Variants in CDYL2 observed in about 807,000 individuals in gnomAD.
CDYL2 encodes the protein chromodomain Y-like protein 2.
A neutral mutation model predicts 49.4 loss-of-function variants in CDYL2; 23 were observed. That is an observed-to-expected ratio of 0.47 (90% CI 0.34 to 0.66). The LOEUF (loss-of-function observed/expected upper bound fraction) is 0.66. Among genes scored for constraint, CDYL2 ranks in the 30% least tolerant of loss-of-function variants. The pLI is 0.01. For missense variants in CDYL2, 678 were observed against 656.4 expected, an observed-to-expected ratio of 1.03 and a Z score of -0.36; for synonymous variants, 360 against 268.8, an observed-to-expected ratio of 1.34 and a Z score of -3.32.
At chr16:80,749,836 CA>C (rs1456566374) in intron 1 of CDYL2, among the ~76,000 whole-genome samples, 2 of 152,086 alleles carry the variant, frequency 1.3e-5, no homozygotes, top group Non-Finnish European at 2.9e-5. Context: ...GGAACCAACC[CA>C]AATGTCCATC....
At chr16:80,719,531 T>A (rs1358411955) in intron 1 of CDYL2, among the ~76,000 whole-genome samples, 1 of 152,160 alleles carries the variant, frequency 6.6e-6, no homozygotes, top group Non-Finnish European at 1.5e-5. Flanking sequence ...TGCACTAAAT[T>A]TTGAGAATCA....
At chr16:80,670,042 C>T (rs552461191) in intron 2 of CDYL2, among the ~76,000 whole-genome samples, 4 of 152,246 alleles carry the variant, frequency 2.6e-5, no homozygotes, top group African/African-American at 9.6e-5. Flanking sequence ...GCACAACAAC[C>T]TCATCAAGTA....
At chr16:80,665,088 T>C (rs981299396) in intron 2 of CDYL2, among the ~76,000 whole-genome samples, 13 of 152,320 alleles carry the variant, frequency 8.5e-5, no homozygotes, top group African/African-American at 3.1e-4. Context: ...AGTCATTTAA[T>C]AAATATTTCA....
At chr16:80,645,389 C>T (rs113782700) in intron 2 of CDYL2, among the ~76,000 whole-genome samples, 76,560 of 151,988 alleles carry the variant, frequency 0.5, 21,319 homozygotes, top group African/African-American at 0.74. Context: ...AAAAAATGCT[C>T]ATCATCACTG....
intron 4 of CDYL2, among the ~76,000 whole-genome samples, chr16:80,618,435 C>A (rs370728613): frequency 1.4e-4 from 21 of 152,308 alleles, no homozygotes; most frequent in East Asian, 1.3e-3. Context: ...AGGTTTTGCC[C>A]CTCAGCTTTG....
intron 2 of CDYL2, among the ~76,000 whole-genome samples, chr16:80,653,447 A>G (rs1432114125): frequency 6.6e-6 from 1 of 152,232 alleles, no homozygotes; most frequent in Non-Finnish European, 1.5e-5. Flanking sequence ...CCTGGGCAAC[A>G]AGAGTGAAAC....
rs564928849 is a variant in CDYL2, at chr16:80,704,113, A to C, written c.25-18984T>G. ...TCCTAGGAGGTCAGTGAGGTACATT[A>C]GATGGTGCTTTCTGAAACCTCATTA... is the stretch of plus-strand genomic sequence containing the variant. On this transcript the variant is annotated intron_variant, in intron 1 of 6. Coordinates refer to ENST00000570137, the MANE Select transcript of CDYL2 (RefSeq NM_152342.4). Among the ~76,000 whole-genome samples the C allele has an allele frequency of 8.4e-4, 128 of 152,308 alleles. 1 individual carries two copies. The highest frequency in any genetic ancestry group is 2.7e-3 in the African/African-American group (112 of 41,572).
intron 1 of CDYL2, among the ~76,000 whole-genome samples, chr16:80,744,848 G>C (rs1354145873): frequency 6.6e-6 from 1 of 152,174 alleles, no homozygotes; most frequent in Non-Finnish European, 1.5e-5. Context: ...GAAGTGGACA[G>C]TCCTGGATCC....
intron 1 of CDYL2, among the ~76,000 whole-genome samples, chr16:80,752,704 T>A (rs1906177299): frequency 6.6e-6 from 1 of 152,208 alleles, no homozygotes; most frequent in African/African-American, 2.4e-5. Context: ...ACCAGTGGTG[T>A]ACTGATAAAT....
chr16:80,736,394 T>C (rs1219794273), intron 1 of CDYL2: 1 of 152,248 alleles, frequency 6.6e-6, no homozygotes, highest in Admixed American at 6.5e-5. Context: ...AAGCACTTAT[T>C]TTCAAGTTAC....
At chr16:80,634,828 A>G (rs1243683321) in intron 2 of CDYL2, among the ~76,000 whole-genome samples, 1 of 152,184 alleles carries the variant, frequency 6.6e-6, no homozygotes, top group East Asian at 1.9e-4. Flanking sequence ...AATTTCTACT[A>G]AAGAAATTGA....
chr16:80,639,361 AATGATGTGAAAT>A (rs1907979086), intron 2 of CDYL2, among the ~76,000 whole-genome samples: 1 of 152,222 alleles, frequency 6.6e-6, no homozygotes, highest in Non-Finnish European at 1.5e-5. Flanking sequence ...CATTCACCAT[AATGATGTGAAAT>A]CTTATAGTCA....
At chr16:80,656,522 G>T (rs949519799) in intron 2 of CDYL2, among the ~76,000 whole-genome samples, 2 of 152,206 alleles carry the variant, frequency 1.3e-5, no homozygotes, top group African/African-American at 4.8e-5. Context: ...AAAGGAAATG[G>T]TGCATGCTAC....
At chr16:80,666,709 C>G (rs1358274324) in intron 2 of CDYL2, among the ~76,000 whole-genome samples, 3 of 152,120 alleles carry the variant, frequency 2.0e-5, no homozygotes, top group Non-Finnish European at 2.9e-5. Flanking sequence ...CAGGACAACT[C>G]AAGGAGAGAA....
chr16:80,699,868 AT>A (rs66786988), intron 1 of CDYL2, among the ~76,000 whole-genome samples: 11,701 of 144,204 alleles, frequency 0.081, 493 homozygotes, highest in African/African-American at 0.15. Flanking sequence ...GACCAAAACA[AT>A]TTTTTTTTTT....
chr16:80,662,081 G>C (rs1272602161), intron 2 of CDYL2, among the ~76,000 whole-genome samples: 1 of 152,142 alleles, frequency 6.6e-6, no homozygotes, highest in African/African-American at 2.4e-5. Context: ...GTCTCCATGT[G>C]TCAAACATGC....
chr16:80,795,685 C>A (rs1907750302), intron 1 of CDYL2, among the ~76,000 whole-genome samples: 1 of 152,140 alleles, frequency 6.6e-6, no homozygotes, highest in Admixed American at 6.5e-5. Flanking sequence ...CCAGGATAGG[C>A]CTCTCCTCAA....
intron 2 of CDYL2, among the ~76,000 whole-genome samples, chr16:80,665,430 T>G (rs188839310): frequency 6.7e-6 from 1 of 150,184 alleles, no homozygotes; most frequent in East Asian, 2.0e-4. Flanking sequence ...GCTCAACAGA[T>G]CTTGTGACCA....
rs566571871 is a variant in CDYL2 at position 80,797,011 on chromosome 16, T to G, written c.24+7139A>C. ...ATACCAGCAACACCTCTTTTTTTTCTACCTCTCTTGCTACCCCTTGTACAT... is the reference window on the plus strand; with the variant it reads ...ATACCAGCAACACCTCTTTTTTTTCGACCTCTCTTGCTACCCCTTGTACAT... On this transcript the variant is annotated intron_variant, in intron 1 of 6. Transcript: ENST00000570137. 4.6e-5 allele frequency among the ~76,000 whole-genome samples: 7 copies of G among 152,304 alleles called. No homozygotes were observed. The South Asian group carries it at 1.5e-3, about 32-fold the overall frequency.
Sources: gnomAD v4.1 joint callset for allele counts (sites outside exome capture counted in the v4.1 genomes callset) on GRCh38, gnomAD v4.1.1 for gene constraint, MANE v1.5 for transcripts, NCBI Gene and HGNC (gene_info 2026-07-23, HGNC 2026-07-21) for gene names.